SPATA22: variants seen among roughly 807,000 people sequenced by gnomAD.
SPATA22 encodes spermatogenesis associated 22, also known as spermatogenesis-associated protein 22.
SPATA22 carries 29 observed loss-of-function variants against 47.8 expected under a neutral mutation model. The ratio of observed to expected loss-of-function variants is 0.61; its 90% CI spans 0.45 to 0.83. The LOEUF (loss-of-function observed/expected upper bound fraction) is 0.83. Among genes scored for constraint, SPATA22 ranks in the 40% least tolerant of loss-of-function variants. The pLI is 0.00. For synonymous variants in SPATA22, 133 were observed against 140.9 expected (o/e 0.94, Z 0.40); for missense variants, 410 against 421.7 (o/e 0.97, Z 0.24).
chr17:3,504,561 T>C (rs754807053), intron 1 of SPATA22, among the ~76,000 whole-genome samples: 53,663 of 143,742 alleles, frequency 0.37, 10,572 homozygotes, highest in African/African-American at 0.45. Context: ...TTTCTTTTTT[T>C]TTTTTTTTTT....
At chr17:3,462,817 CA>C (rs2073159009) in intron 3 of SPATA22, 50 bp from the exon 4 acceptor site, 1 of 1,383,140 alleles carries the variant, frequency 7.2e-7, no homozygotes, top group Non-Finnish European at 1.0e-6. Context: ...TAGTATTTTT[CA>C]AAATGATAAA....
intron 1 of SPATA22, among the ~76,000 whole-genome samples, chr17:3,491,561 A>G (rs547851897): frequency 3.4e-4 from 52 of 152,236 alleles, no homozygotes; most frequent in Middle Eastern, 3.4e-3. Context: ...AGTCTGGGCA[A>G]CATGGGGAAA....
chr17:3,513,835 C>G, exon 1 of SPATA22: 1 of 1,253,910 alleles, frequency 8.0e-7, no homozygotes, highest in Non-Finnish European at 1.2e-6. Context: ...TCCACCATCC[C>G]TCAAAGCCTC....
At chr17:3,473,124 A>C (rs1221992212), upstream of SPATA22, among the ~76,000 whole-genome samples, 2 of 151,814 alleles carry the variant, frequency 1.3e-5, no homozygotes, top group Non-Finnish European at 2.9e-5. Context: ...AAAAAAAAAA[A>C]AAACCACCTT....
intron 5 of SPATA22, among the ~76,000 whole-genome samples, chr17:3,454,483 T>C (rs1381920876): frequency 1.3e-5 from 2 of 151,664 alleles, no homozygotes; most frequent in Non-Finnish European, 2.9e-5. Context: ...CAGAGTGTGA[T>C]GTTCCCCTTC....
intron 1 of SPATA22, chr17:3,481,804 G>C (rs1327739547): frequency 6.3e-7 from 1 of 1,582,752 alleles, no homozygotes; most frequent in Non-Finnish European, 8.6e-7. Flanking sequence ...TTAAGGTAAT[G>C]TTAATGTTAT....
At chr17:3,465,792 A>AAAAAAAAAC (rs1288809853) in intron 3 of SPATA22, among the ~76,000 whole-genome samples, 22 of 151,320 alleles carry the variant, frequency 1.5e-4, no homozygotes, top group Non-Finnish European at 3.2e-4. Flanking sequence ...TAAAAATTTA[A>AAAAAAAAAC]AAAACAAAAA....
intron 1 of SPATA22, chr17:3,499,210 C>T (rs2073961283): frequency 1.6e-5 from 15 of 930,926 alleles, no homozygotes; most frequent in South Asian, 1.9e-5. Flanking sequence ...GTGCCTTATT[C>T]GGTAGGCATC....
chr17:3,459,119 A>G (rs1597399605), intron 5 of SPATA22, among the ~76,000 whole-genome samples: 1 of 152,196 alleles, frequency 6.6e-6, no homozygotes, highest in East Asian at 1.9e-4. Context: ...CCAGGGGTGA[A>G]GAGGTGGGAG....
At chr17:3,483,633 T>C in intron 1 of SPATA22, 1 of 1,514,634 alleles carries the variant, frequency 6.6e-7, no homozygotes. Context: ...ATAAAATATG[T>C]CCTAGCTGAA....
At chr17:3,445,979 T>A (rs755219612) in intron 7 of SPATA22, among the ~76,000 whole-genome samples, 5 of 152,130 alleles carry the variant, frequency 3.3e-5, no homozygotes, top group Non-Finnish European at 7.4e-5. Context: ...ATGTTCCTTT[T>A]GGAGGCTCTA....
intron 1 of SPATA22, chr17:3,471,398 C>G: frequency 1.0e-6 from 1 of 983,104 alleles, no homozygotes; most frequent in Non-Finnish European, 1.2e-6. Context: ...ACCCGCGGGA[C>G]CATTGATCCT....
rs2150693506 is a variant in SPATA22, at chr17:3,443,376, TAG to T, written c.803-107_803-106del. 6 of 692,606 alleles carry T rather than the reference TAG, an allele frequency of 8.7e-6. No homozygotes were observed. In the South Asian group the frequency reaches 1.3e-4, roughly 15 times the overall value. The allele number at this position is 692,606 out of a possible 1,614,324, so 42.9% of individuals were successfully genotyped here. A position where few individuals can be genotyped will look rare whatever the true frequency, so the allele number is the denominator to read the frequency against. On this transcript the variant is annotated intron_variant, in intron 7 of 8. Transcript: ENST00000572969. ...AATAACTATCCATATCAACCTCTCA[TAG>T]TGCTATTTATATAGCAATAAAGAAG...
At position 3,488,053 on chromosome 17, in the gene SPATA22, G is replaced by A. The variant is rs990501032; in HGVS notation, c.-73-18655C>T. 4.6e-5 allele frequency among the ~76,000 whole-genome samples: 7 copies of A among 152,276 alleles called. No homozygotes were observed. The highest frequency in any genetic ancestry group is 2.9e-5 in the Non-Finnish European group (2 of 68,028). ...ATGCAAGAGAATAAGATAAGATTTT[G>A]TGTATTGGGAAATAACAGAAGCGGG... On this transcript the variant is annotated intron_variant, in intron 1 of 8. Coordinates refer to the SPATA22 transcript ENST00000541913. This position sits in a 1 kb window ranked among gnomAD's most constrained non-coding sequence, Gnocchi z 6.1.
At chr17:3,486,714 G>T (rs4790495) in intron 1 of SPATA22, among the ~76,000 whole-genome samples, 134,073 of 152,226 alleles carry the variant, frequency 0.88, 59,327 homozygotes, top group Non-Finnish European at 0.92. Context: ...CAGGAGTAAT[G>T]TAATTTAAAA....
chr17:3,464,859 C>A (rs1282365908), intron 3 of SPATA22, among the ~76,000 whole-genome samples: 4 of 124,682 alleles, frequency 3.2e-5, no homozygotes, highest in African/African-American at 1.1e-4. Flanking sequence ...AGCGTCTCCG[C>A]CCGGCAGCCA....
intron 7 of SPATA22, among the ~76,000 whole-genome samples, chr17:3,444,536 A>G (rs1456165272): frequency 6.6e-6 from 1 of 152,218 alleles, no homozygotes; most frequent in African/African-American, 2.4e-5. Context: ...AGAGAGTCAG[A>G]AGCTTCTGGA....
At position 3,490,628 on chromosome 17, in the gene SPATA22, A is replaced by G. The variant is rs1190056317; in HGVS notation, c.-73-21230T>C. Reference sequence around the variant, plus strand: ...GAAAACTGAAAATTTGCTTTTTACCATCTTTGTCTGAGGGCAGGTTCTATA... The same window carrying G: ...GAAAACTGAAAATTTGCTTTTTACCGTCTTTGTCTGAGGGCAGGTTCTATA... On this transcript the variant is annotated intron_variant, in intron 1 of 8. Transcript: ENST00000541913. The surrounding 1 kb of genome is among the most constrained non-coding windows in gnomAD (Gnocchi z 4.6). Among the ~76,000 whole-genome samples, 4 of 152,300 alleles carry G rather than the reference A, an allele frequency of 2.6e-5. No individual in the cohort carries two copies. Among genetic ancestry groups the G allele is most frequent in the South Asian group, 2.1e-4 (1 of 4,830 alleles).
At chr17:3,481,941 G>C in intron 1 of SPATA22, 1 of 767,170 alleles carries the variant, frequency 1.3e-6, no homozygotes, top group Non-Finnish European at 2.1e-6. Flanking sequence ...TGGTGGTTGG[G>C]GGGAAAGGGT....
Sources: gnomAD v4.1 joint callset for allele counts (sites outside exome capture counted in the v4.1 genomes callset) on GRCh38, gnomAD v4.1.1 for gene constraint, Gnocchi (gnomAD v3.1) non-coding constraint, MANE v1.5 for transcripts, NCBI Gene and HGNC (gene_info 2026-07-23, HGNC 2026-07-21) for gene names.